RABGAP1: variants seen among roughly 807,000 people sequenced by gnomAD.
RABGAP1 encodes the protein rab GTPase-activating protein 1.
In RABGAP1, 23 loss-of-function variants were observed where a neutral mutation model predicts 137.6. That is an observed-to-expected ratio of 0.17 (90% CI 0.12 to 0.24). The LOEUF is 0.24. Among genes scored for constraint, RABGAP1 ranks in the 10% least tolerant of loss-of-function variants. The pLI is 1.00. For missense variants in RABGAP1, 906 were observed against 1,275.8 expected, an observed-to-expected ratio of 0.71 and a Z score of 4.42; for synonymous variants, 451 against 450.7, an observed-to-expected ratio of 1.00 and a Z score of -0.01.
intron 13 of RABGAP1, among the ~76,000 whole-genome samples, chr9:123,045,860 A>G (rs2033184565): frequency 6.6e-6 from 1 of 152,250 alleles, no homozygotes; most frequent in Non-Finnish European, 1.5e-5. Context: ...AAAATTAGGT[A>G]CTATCACATC....
At chr9:123,036,350 G>A (rs543794740) in intron 13 of RABGAP1, among the ~76,000 whole-genome samples, 1 of 152,198 alleles carries the variant, frequency 6.6e-6, no homozygotes, top group Non-Finnish European at 1.5e-5. Flanking sequence ...AGAAGTAATC[G>A]TGTAGTACTT....
intron 2 of RABGAP1, among the ~76,000 whole-genome samples, chr9:122,977,069 T>C (rs1243982625): frequency 6.6e-6 from 1 of 152,190 alleles, no homozygotes; most frequent in African/African-American, 2.4e-5. Flanking sequence ...GATATACTTA[T>C]GAATTTGGGC....
intron 2 of RABGAP1, among the ~76,000 whole-genome samples, chr9:122,975,221 A>C (rs1162781292): frequency 6.6e-6 from 1 of 152,180 alleles, no homozygotes; most frequent in Non-Finnish European, 1.5e-5. Flanking sequence ...CTTCCTAAGC[A>C]TGTTTTCTTG....
chr9:122,986,460 A>G (rs1391346098), intron 4 of RABGAP1, 41 bp downstream of exon 4: 1 of 1,570,164 alleles, frequency 6.4e-7, no homozygotes, highest in African/African-American at 1.4e-5. Flanking sequence ...TTTACATCAG[A>G]TCTCTGACCT....
intron 2 of RABGAP1, among the ~76,000 whole-genome samples, chr9:122,961,158 A>G (rs1025623094): frequency 2.0e-5 from 3 of 152,222 alleles, no homozygotes; most frequent in African/African-American, 2.4e-5. Flanking sequence ...ACAATAATTT[A>G]TATATCCAGG....
intron 11 of RABGAP1, among the ~76,000 whole-genome samples, chr9:123,013,183 T>G (rs1405050553): frequency 6.6e-6 from 1 of 152,212 alleles, no homozygotes; most frequent in East Asian, 1.9e-4. Flanking sequence ...CCTTCTAAAT[T>G]TTAGTACATT....
Position 123,101,683 on chromosome 9 carries a change from C to G in RABGAP1, c.3007C>G (p.Leu1003Val), listed in dbSNP as rs761789167. 7 of 1,613,958 alleles carry G rather than the reference C, an allele frequency of 4.3e-6. No individual in the cohort carries two copies. In the East Asian group the frequency reaches 1.6e-4, roughly 36 times the overall value. The change falls in exon 25 of 26, where the codon CTC becomes GTC. Residue 1003 changes from leucine (L) to valine (V), a missense_variant. Around this residue, in one of 9 missense-constraint regions of RABGAP1, gnomAD observed 193 missense variants for 248.1 expected, o/e 0.78. Coordinates refer to ENST00000373647, the MANE Select transcript of RABGAP1 (RefSeq NM_012197.4). ...DEDTDEEKET[L>V]KNQLREMELE... ...GGACACGGATGAAGAGAAAGAGACG[C>G]TCAAGAACCAGCTGAGAGAAATGGA...
chr9:123,102,986 C>A, intron 25 of RABGAP1, 105 bp from the exon 26 acceptor site: 1 of 1,399,810 alleles, frequency 7.1e-7, no homozygotes, highest in Non-Finnish European at 9.4e-7. Context: ...TTCCCCGAGG[C>A]CTCTCCAGAG....
At chr9:123,018,191 T>A (rs1044981641) in intron 12 of RABGAP1, among the ~76,000 whole-genome samples, 1 of 152,200 alleles carries the variant, frequency 6.6e-6, no homozygotes, top group Non-Finnish European at 1.5e-5. Context: ...AGACAGGGTT[T>A]CACCGTGTTA....
intron 14 of RABGAP1, among the ~76,000 whole-genome samples, chr9:123,069,118 TA>T (rs2034273406): frequency 6.6e-6 from 1 of 152,194 alleles, no homozygotes; most frequent in African/African-American, 2.4e-5. Flanking sequence ...TGAAGAATGT[TA>T]GATGTCAATA....
intron 13 of RABGAP1, among the ~76,000 whole-genome samples, chr9:123,048,028 C>T (rs567899589): frequency 6.8e-6 from 1 of 147,878 alleles, no homozygotes; most frequent in African/African-American, 2.6e-5. Context: ...GAACCTCCGC[C>T]TCCCAGGTTC....
At chr9:123,026,601 A>G (rs1200434520) in intron 13 of RABGAP1, among the ~76,000 whole-genome samples, 1 of 152,194 alleles carries the variant, frequency 6.6e-6, no homozygotes, top group African/African-American at 2.4e-5. Context: ...GCCTCTAGGT[A>G]GAACTTGTCA....
At chr9:122,992,357 A>C (rs1836772091) in intron 6 of RABGAP1, among the ~76,000 whole-genome samples, 1 of 152,072 alleles carries the variant, frequency 6.6e-6, no homozygotes, top group African/African-American at 2.4e-5. Context: ...TTTATTGAAA[A>C]TATTTATGTA....
chr9:123,088,225 A>G (rs576168313), intron 19 of RABGAP1, among the ~76,000 whole-genome samples: 2 of 151,540 alleles, frequency 1.3e-5, no homozygotes, highest in South Asian at 4.2e-4. Context: ...CAATTTTTAT[A>G]TTTTTTTGTA....
chr9:123,090,234 G>T (rs1188768810), intron 20 of RABGAP1, 41 bp from the exon 21 acceptor site: 24 of 1,480,730 alleles, frequency 1.6e-5, no homozygotes, highest in Middle Eastern at 1.7e-4. Context: ...ATTTCCATCT[G>T]ATTTTTATGT....
Position 122,991,515 on chromosome 9 carries a change from G to A in RABGAP1, c.923+1302G>A, listed in dbSNP as rs537834463. Among the ~76,000 whole-genome samples, 29 of 151,904 alleles carry A rather than the reference G, an allele frequency of 1.9e-4. 1 individual carries two copies. The South Asian group carries it at 6.0e-3, about 32-fold the overall frequency. On this transcript the variant is annotated intron_variant, in intron 6 of 25. Coordinates refer to ENST00000373647, the MANE Select transcript of RABGAP1 (RefSeq NM_012197.4). ...GTCATGCCATCTGGTGGCCAATTTAGTGTACAGTGCAGCTTAAACTTTGAG... is the reference window on the plus strand; with the variant it reads ...GTCATGCCATCTGGTGGCCAATTTAATGTACAGTGCAGCTTAAACTTTGAG...
At chr9:123,094,641 T>G (rs1050752798) in intron 21 of RABGAP1, among the ~76,000 whole-genome samples, 2 of 152,194 alleles carry the variant, frequency 1.3e-5, no homozygotes, top group Non-Finnish European at 2.9e-5. Flanking sequence ...GGTTTTGTCA[T>G]TAGGGAATGC....
At chr9:123,052,444 A>T (rs978456799) in intron 13 of RABGAP1, among the ~76,000 whole-genome samples, 17 of 152,328 alleles carry the variant, frequency 1.1e-4, no homozygotes, top group Non-Finnish European at 2.1e-4. Context: ...GAACCTTATT[A>T]TGTGTCATAC....
In RABGAP1 at chr9:123,103,403, T is replaced by TA; in HGVS notation, c.*192dup. ...ACCTCTGGGGTAAGACTACTGATACTAACAGGCCTGCTAGCTCAGCCGACG... is the reference window on the plus strand; with the variant it reads ...ACCTCTGGGGTAAGACTACTGATACTAAACAGGCCTGCTAGCTCAGCCGACG... On this transcript the variant is annotated 3_prime_UTR_variant, in exon 26 of 26. Coordinates refer to ENST00000373647, the MANE Select transcript of RABGAP1 (RefSeq NM_012197.4). 1.3e-6 allele frequency: 1 copy of TA among 776,280 alleles called. No individual in the cohort carries two copies. The highest frequency in any genetic ancestry group is 1.9e-6 in the Non-Finnish European group (1 of 515,932). 48.1% of individuals were successfully genotyped at this position (776,280 alleles called of 1,614,324 possible). A position where few individuals can be genotyped will look rare whatever the true frequency, so the allele number is the denominator to read the frequency against.
Sources: gnomAD v4.1 joint callset for allele counts (sites outside exome capture counted in the v4.1 genomes callset) on GRCh38, gnomAD v4.1.1 for gene constraint, gnomAD v4.1.1 regional missense constraint, MANE v1.5 for transcripts, NCBI Gene and HGNC (gene_info 2026-07-23, HGNC 2026-07-21) for gene names.